MIR2052HG: variants seen among roughly 807,000 people sequenced by gnomAD.
MIR2052HG encodes MIR2052 host gene.
At chr8:74,620,181 G>A (rs371920027) in intron 2 of MIR2052HG, among the ~76,000 whole-genome samples, 3 of 152,196 alleles carry the variant, frequency 2.0e-5, no homozygotes, top group South Asian at 2.1e-4. Flanking sequence ...GTGGGTTCCC[G>A]TGGTCTTAGG....
intron 2 of MIR2052HG, among the ~76,000 whole-genome samples, chr8:74,630,535 A>AG (rs1808495403): frequency 7.0e-6 from 1 of 143,140 alleles, no homozygotes; most frequent in African/African-American, 2.5e-5. Context: ...TCTGAAAAAA[A>AG]AAAAAAAAAG....
chr8:74,662,109 C>T (rs758208171), intron 2 of MIR2052HG, among the ~76,000 whole-genome samples: 2 of 152,252 alleles, frequency 1.3e-5, no homozygotes, highest in East Asian at 3.9e-4. Flanking sequence ...CACAGCAAAT[C>T]GAGCATTATG....
At chr8:74,748,084 A>C (rs1372669576) in intron 4 of MIR2052HG, among the ~76,000 whole-genome samples, 1 of 152,190 alleles carries the variant, frequency 6.6e-6, no homozygotes, top group African/African-American at 2.4e-5. Context: ...TCTGTTATGA[A>C]TTTTATGGCC....
At chr8:74,605,158 C>T (rs1193682555) in intron 1 of MIR2052HG, among the ~76,000 whole-genome samples, 2 of 152,180 alleles carry the variant, frequency 1.3e-5, no homozygotes, top group East Asian at 3.9e-4. Context: ...ACCCCGCCTT[C>T]CTCCCCTCAT....
At chr8:74,743,185 A>G (rs1809850425) in intron 4 of MIR2052HG, among the ~76,000 whole-genome samples, 1 of 152,180 alleles carries the variant, frequency 6.6e-6, no homozygotes, top group African/African-American at 2.4e-5. Flanking sequence ...CCACCTTAAA[A>G]TATTAGATTA....
chr8:74,603,663 G>T, intron 1 of MIR2052HG: 1 of 1,109,546 alleles, frequency 9.0e-7, no homozygotes, highest in Non-Finnish European at 1.4e-6. Context: ...GAAGGGTATA[G>T]GCCTGACCGC....
intron 2 of MIR2052HG, among the ~76,000 whole-genome samples, chr8:74,679,832 G>A (rs568450567): frequency 9.2e-5 from 14 of 152,074 alleles, no homozygotes; most frequent in East Asian, 7.7e-4. Flanking sequence ...ATGAGCCACC[G>A]TGCCCAGCTG....
chr8:74,744,871 G>A (rs13269354), intron 4 of MIR2052HG, among the ~76,000 whole-genome samples: 98,873 of 152,046 alleles, frequency 0.65, 33,830 homozygotes, highest in African/African-American at 0.87. Flanking sequence ...GAAGTGAGAA[G>A]GAGAACTGTG....
chr8:74,754,497 A>G (rs1202527194), intron 5 of MIR2052HG, among the ~76,000 whole-genome samples: 1 of 152,184 alleles, frequency 6.6e-6, no homozygotes, highest in Non-Finnish European at 1.5e-5. Flanking sequence ...ATGAGTGTAG[A>G]ACGTGGAATT....
intron 2 of MIR2052HG, among the ~76,000 whole-genome samples, chr8:74,688,456 C>T (rs1809205820): frequency 1.3e-5 from 2 of 152,040 alleles, no homozygotes; most frequent in Admixed American, 6.5e-5. Context: ...ACAATGATAA[C>T]ACTAGTATAC....
chr8:74,603,978 AC>A (rs1314941453), intron 1 of MIR2052HG: 32 of 963,222 alleles, frequency 3.3e-5, no homozygotes, highest in Non-Finnish European at 5.3e-5. Context: ...CAGCTGTGCT[AC>A]TGGTCATAGA....
intron 4 of MIR2052HG, among the ~76,000 whole-genome samples, chr8:74,729,211 T>C (rs966175037): frequency 6.6e-6 from 1 of 152,148 alleles, no homozygotes; most frequent in African/African-American, 2.4e-5. Flanking sequence ...CTCCTCTGAT[T>C]TGATTGCTAG....
At chr8:74,697,286 G>A (rs1333928388) in intron 2 of MIR2052HG, among the ~76,000 whole-genome samples, 1 of 152,082 alleles carries the variant, frequency 6.6e-6, no homozygotes, top group Non-Finnish European at 1.5e-5. Flanking sequence ...ATCCCTTTAT[G>A]ATTAAAACCC....
intron 1 of MIR2052HG, among the ~76,000 whole-genome samples, chr8:74,610,492 AC>A (rs1808179532): frequency 6.6e-6 from 1 of 151,910 alleles, no homozygotes; most frequent in African/African-American, 2.4e-5. Flanking sequence ...ATAGAAATTG[AC>A]ATGCTCATTC....
At chr8:74,746,327 T>C (rs1809884952) in intron 4 of MIR2052HG, among the ~76,000 whole-genome samples, 2 of 152,194 alleles carry the variant, frequency 1.3e-5, no homozygotes, top group African/African-American at 4.8e-5. Context: ...ATTAAATTCA[T>C]TTCAGTTCGA....
chr8:74,710,004 T>C (rs1217743725), intron 4 of MIR2052HG, among the ~76,000 whole-genome samples: 2 of 152,234 alleles, frequency 1.3e-5, no homozygotes, highest in African/African-American at 4.8e-5. Flanking sequence ...TTGTTTCCTC[T>C]GAGGAATAGT....
chr8:74,605,891 C>A (rs968138889), intron 1 of MIR2052HG, among the ~76,000 whole-genome samples: 8 of 152,038 alleles, frequency 5.3e-5, no homozygotes, highest in Non-Finnish European at 2.9e-5. Context: ...TGTACCTTAG[C>A]GAGTTAGAGA....
chr8:74,726,471 G>T (rs1316479410), intron 4 of MIR2052HG, among the ~76,000 whole-genome samples: 1 of 152,152 alleles, frequency 6.6e-6, no homozygotes, highest in Non-Finnish European at 1.5e-5. Context: ...TCAGATTCTT[G>T]AAATCTCTCC....
At chr8:74,602,817 G>GTTTCTTTCTTTCCTTCTTTCTTTCTTTC (rs1808023642) in intron 1 of MIR2052HG, among the ~76,000 whole-genome samples, 1 of 73,786 alleles carries the variant, frequency 1.4e-5, no homozygotes, top group African/African-American at 6.3e-5. Flanking sequence ...GCCCGGCCGT[G>GTTTCTTTCTTTCCTTCTTTCTTTCTTTC]TTTCTTTCTT....
Sources: allele counts gnomAD v4.1 joint callset (sites outside exome capture counted in the v4.1 genomes callset), GRCh38; gene constraint gnomAD v4.1.1; transcripts MANE v1.5; gene names NCBI Gene and HGNC (gene_info 2026-07-23, HGNC 2026-07-21).